The following CNTN4 variants were observed in gnomAD, a reference collection of about 807,000 sequenced individuals.
CNTN4 encodes contactin-4.
CNTN4 carries 77 observed loss-of-function variants against 122.5 expected under a neutral mutation model. The observed-to-expected ratio is 0.63, with a 90% confidence interval of 0.52 to 0.76. The LOEUF is 0.76. CNTN4 is among the 30% of genes least tolerant of loss of function. CNTN4 has a pLI of 0.00. For synonymous variants in CNTN4, 512 were observed against 447.0 expected (o/e 1.15, Z -1.83); for missense variants, 1,256 against 1,259.1 (o/e 1.00, Z 0.04).
At chr3:2,765,171 C>A (rs1201108478) in intron 6 of CNTN4, among the ~76,000 whole-genome samples, 1 of 152,148 alleles carries the variant, frequency 6.6e-6, no homozygotes, top group East Asian at 1.9e-4. Flanking sequence ...AAGGTGAAGC[C>A]GTGTTTTGTT....
At chr3:3,015,698 T>C (rs764088952) in intron 14 of CNTN4, among the ~76,000 whole-genome samples, 1 of 152,240 alleles carries the variant, frequency 6.6e-6, no homozygotes, top group Non-Finnish European at 1.5e-5. Flanking sequence ...AGAATATTAA[T>C]CCTTCCCCAC....
intron 3 of CNTN4, among the ~76,000 whole-genome samples, chr3:2,427,647 G>A (rs1291133612): frequency 6.6e-6 from 1 of 151,984 alleles, no homozygotes; most frequent in African/African-American, 2.4e-5. Context: ...CTGCCTCATG[G>A]ATCTGTCTAA....
chr3:2,745,837 GA>G, intron 6 of CNTN4, 140 bp downstream of exon 6: 1 of 765,014 alleles, frequency 1.3e-6, no homozygotes, highest in Non-Finnish European at 2.2e-6. Flanking sequence ...TCACATTTTG[GA>G]AACAATTTTA....
chr3:2,761,274 A>T (rs2090576800), intron 6 of CNTN4, among the ~76,000 whole-genome samples: 1 of 152,110 alleles, frequency 6.6e-6, no homozygotes, highest in Non-Finnish European at 1.5e-5. Flanking sequence ...TATTCCCTTT[A>T]TCTAGGACCA....
At chr3:2,886,865 ATAAG>A (rs1559620902) in intron 9 of CNTN4, among the ~76,000 whole-genome samples, 171 bp from the exon 10 acceptor site, 1 of 152,210 alleles carries the variant, frequency 6.6e-6, no homozygotes, top group Non-Finnish European at 1.5e-5. Flanking sequence ...AGAACACTAA[ATAAG>A]TAATGCTAGA....
intron 2 of CNTN4, among the ~76,000 whole-genome samples, chr3:2,211,394 G>A (rs1440782354): frequency 6.6e-6 from 1 of 152,138 alleles, no homozygotes; most frequent in Non-Finnish European, 1.5e-5. Context: ...AGCATCTGTT[G>A]CTTTAGTTCT....
chr3:2,908,069 A>G lies in CNTN4; in HGVS notation c.1207+5064A>G, dbSNP rs1248227906. Among the ~76,000 whole-genome samples, 2 of 152,130 alleles carry G rather than the reference A, an allele frequency of 1.3e-5. 1 individual carries two copies. The highest frequency in any genetic ancestry group is 2.9e-5 in the Non-Finnish European group (2 of 68,010). On this transcript the variant is annotated intron_variant, in intron 12 of 24. Transcript: ENST00000418658. The stretch of plus-strand genomic sequence containing the variant: ...CATGGATGAGATTCACTTGTGGGAT[A>G]TATCCCTGTGGACATCCCTGAGGTG...
intron 2 of CNTN4, among the ~76,000 whole-genome samples, chr3:2,232,560 C>A (rs920722898): frequency 3.9e-5 from 6 of 152,052 alleles, no homozygotes; most frequent in African/African-American, 1.2e-4. Flanking sequence ...TGTCTAAAAA[C>A]TATATAGCTA....
intron 2 of CNTN4, among the ~76,000 whole-genome samples, chr3:2,153,506 A>C (rs2035582395): frequency 6.6e-6 from 1 of 152,170 alleles, no homozygotes; most frequent in South Asian, 2.1e-4. Context: ...GCCTGATTAG[A>C]GTGATTTTAA....
intron 2 of CNTN4, among the ~76,000 whole-genome samples, chr3:2,133,644 T>G (rs552830767): frequency 3.9e-5 from 6 of 152,320 alleles, no homozygotes; most frequent in South Asian, 4.1e-4. Flanking sequence ...CCTTAATATT[T>G]ACTGATTTGC....
Position 2,746,071 on chromosome 3 carries a change from C to G in CNTN4, c.358+374C>G, listed in dbSNP as rs192014422. Among the ~76,000 whole-genome samples the G allele has an allele frequency of 3.2e-4, 48 of 151,782 alleles. No individual in the cohort carries two copies. In the East Asian group the frequency reaches 7.2e-3, roughly 23 times the overall value. On this transcript the variant is annotated intron_variant, in intron 6 of 24. Coordinates refer to ENST00000418658, the MANE Select transcript of CNTN4 (RefSeq NM_175607.3). Reference sequence around the variant, plus strand: ...TTTAAATAGAATGTGTATAAGCAAGCAATTGAACAAATTTTACACACACAC... The same window carrying G: ...TTTAAATAGAATGTGTATAAGCAAGGAATTGAACAAATTTTACACACACAC...
chr3:3,054,893 T>C (rs144549476), intron 24 of CNTN4, among the ~76,000 whole-genome samples: 1 of 152,054 alleles, frequency 6.6e-6, no homozygotes, highest in Non-Finnish European at 1.5e-5. Flanking sequence ...GATATCTAAG[T>C]GTAGACTTTC....
chr3:2,298,252 G>A (rs182110095), intron 2 of CNTN4, among the ~76,000 whole-genome samples: 5 of 151,914 alleles, frequency 3.3e-5, no homozygotes, highest in East Asian at 1.9e-4. Flanking sequence ...GGTTCTTGTC[G>A]TCTTGTCAGT....
rs545955257 is a variant in CNTN4 at position 2,385,179 on chromosome 3, T to C, written c.-89+45946T>C. On this transcript the variant is annotated intron_variant, in intron 3 of 24. Transcript: ENST00000418658. This position sits in a 1 kb window ranked among gnomAD's most constrained non-coding sequence, Gnocchi z 4.0. ...TAATCCATAACTCATATCAACAAGG[T>C]TAATCCCAAACTCTTTTTAAAAATA... Among the ~76,000 whole-genome samples, 1 of 152,208 alleles carries C rather than the reference T, an allele frequency of 6.6e-6. No individual in the cohort carries two copies. The highest frequency in any genetic ancestry group is 1.9e-4 in the East Asian group (1 of 5,194).
At chr3:2,683,406 C>G (rs377581528) in intron 4 of CNTN4, among the ~76,000 whole-genome samples, 1 of 151,916 alleles carries the variant, frequency 6.6e-6, no homozygotes, top group African/African-American at 2.4e-5. Flanking sequence ...ATGATGTGGT[C>G]TTCCTGATAC....
chr3:2,496,492 C>G (rs962445276), intron 3 of CNTN4, among the ~76,000 whole-genome samples: 3 of 151,998 alleles, frequency 2.0e-5, no homozygotes, highest in African/African-American at 7.3e-5. Flanking sequence ...GATTTGTTGA[C>G]CAGTAGAGTG....
chr3:2,784,664 A>G (rs1371633868), intron 6 of CNTN4, among the ~76,000 whole-genome samples: 1 of 152,218 alleles, frequency 6.6e-6, no homozygotes, highest in Non-Finnish European at 1.5e-5. Flanking sequence ...AGTCACCTAG[A>G]AAAAGCAGAG....
intron 13 of CNTN4, among the ~76,000 whole-genome samples, chr3:2,967,578 C>T (rs1692446845): frequency 2.6e-5 from 4 of 152,078 alleles, no homozygotes. Flanking sequence ...CATCCCAATG[C>T]CCAGGAGTGA....
intron 2 of CNTN4, among the ~76,000 whole-genome samples, chr3:2,293,877 A>G (rs1384393850): frequency 1.3e-5 from 2 of 152,186 alleles, no homozygotes; most frequent in Non-Finnish European, 2.9e-5. Context: ...CACAAACCCC[A>G]AAACTCAGTG....
Sources: gnomAD v4.1 joint callset for allele counts (sites outside exome capture counted in the v4.1 genomes callset) on GRCh38, gnomAD v4.1.1 for gene constraint, Gnocchi (gnomAD v3.1) non-coding constraint, MANE v1.5 for transcripts, NCBI Gene and HGNC (gene_info 2026-07-23, HGNC 2026-07-21) for gene names.